GNA11: variants seen among roughly 807,000 people sequenced by gnomAD.
The protein encoded by GNA11 is G protein subunit alpha 11.
A neutral mutation model predicts 38.2 loss-of-function variants in GNA11; 8 were observed. The ratio of observed to expected loss-of-function variants is 0.21; its 90% CI spans 0.12 to 0.38. The LOEUF is 0.38. Ranked by LOEUF, GNA11 falls within the 10% of genes least tolerant of loss-of-function variation. The pLI is 1.00. For missense variants in GNA11, 268 were observed against 516.3 expected (o/e 0.52, Z 4.66); for synonymous variants, 211 against 221.4 (o/e 0.95, Z 0.42).
chr19:3,096,409 A>T (rs960594141), intron 1 of GNA11, among the ~76,000 whole-genome samples: 1 of 151,882 alleles, frequency 6.6e-6, no homozygotes, highest in Non-Finnish European at 1.5e-5. Flanking sequence ...CTTTGTTTGG[A>T]TGGAGGGGAG....
chr19:3,115,699 A>G (rs1913894681), intron 4 of GNA11, among the ~76,000 whole-genome samples: 1 of 124,222 alleles, frequency 8.1e-6, no homozygotes. Context: ...GAGGGGTCAT[A>G]GGGACTGAGG....
At position 3,119,050 on chromosome 19, in the gene GNA11, C is replaced by A; in HGVS notation, c.732C>A (p.Asn244Lys). The change falls in exon 5 of 7, where the codon AAC becomes AAA. Residue 244 changes from asparagine (N) to lysine (K), a missense_variant. Physicochemically the swap from Asn to Lys is moderately conservative, Grantham distance 94 (BLOSUM62 0). This residue lies in a region of GNA11 where 92 missense variants were observed against 166.7 expected (regional missense o/e 0.55). Coordinates refer to ENST00000078429, the MANE Select transcript of GNA11 (RefSeq NM_002067.5). This position sits in a 1 kb window ranked among gnomAD's most constrained non-coding sequence, Gnocchi z 4.6. ...ACCAAGTCCTGGTGGAGTCGGACAA[C>A]GAGGTGGGCCCTGCCCTGAGCAGGG... ...EYDQVLVESD[N>K]ENRMEESKAL... 1 of 1,613,744 alleles carries A rather than the reference C, an allele frequency of 6.2e-7. No homozygotes were observed. Among genetic ancestry groups the A allele is most frequent in the Non-Finnish European group, 8.5e-7 (1 of 1,179,908 alleles).
chr19:3,122,100 G>A lies in GNA11; in HGVS notation c.*921G>A, dbSNP rs537751914. 19 of 233,368 alleles carry A rather than the reference G, an allele frequency of 8.1e-5. No homozygotes were observed. The highest frequency in any genetic ancestry group is 3.7e-4 in the African/African-American group (17 of 45,444). 14.5% of individuals were successfully genotyped at this position (233,368 alleles called of 1,614,324 possible). On this transcript the variant is annotated 3_prime_UTR_variant, in exon 7 of 7. Transcript: ENST00000078429. The surrounding 1 kb of genome is among the most constrained non-coding windows in gnomAD (Gnocchi z 7.7). ...CCACCGGAGCCCACGTGGGCTGGGC[G>A]GCTGGAGGGATGGTCCCCCGGTGAC...
chr19:3,106,536 T>C (rs1913643660), intron 1 of GNA11, among the ~76,000 whole-genome samples: 1 of 152,162 alleles, frequency 6.6e-6, no homozygotes, highest in Non-Finnish European at 1.5e-5. Context: ...TGGCTTCCGG[T>C]GGCCCAGAAC....
chr19:3,104,219 C>T (rs930951458), intron 1 of GNA11, among the ~76,000 whole-genome samples: 9 of 152,232 alleles, frequency 5.9e-5, no homozygotes, highest in South Asian at 4.1e-4. Flanking sequence ...CCTTTCCCAC[C>T]GGGGAAAAGG....
chr19:3,101,315 A>G (rs1218193989), intron 1 of GNA11, among the ~76,000 whole-genome samples: 1 of 151,958 alleles, frequency 6.6e-6, no homozygotes, highest in Non-Finnish European at 1.5e-5. Flanking sequence ...CTTAATCCCC[A>G]GGGACTGTGG....
At chr19:3,103,690 TAATTTTTTTTTTTGTA>T (rs1029336637) in intron 1 of GNA11, among the ~76,000 whole-genome samples, 3 of 151,530 alleles carry the variant, frequency 2.0e-5, no homozygotes, top group Non-Finnish European at 4.4e-5. Context: ...CACACCCAGC[TAATTTTTTTTTTTGTA>T]AATTTTTTTT....
At chr19:3,116,659 C>T (rs948728610) in intron 4 of GNA11, among the ~76,000 whole-genome samples, 1 of 152,212 alleles carries the variant, frequency 6.6e-6, no homozygotes, top group African/African-American at 2.4e-5. Context: ...CAGAGCCGTC[C>T]CCGGGTTCTG....
chr19:3,095,167 T>A, intron 1 of GNA11, among the ~76,000 whole-genome samples: 1 of 151,958 alleles, frequency 6.6e-6, no homozygotes, highest in Non-Finnish European at 1.5e-5. Context: ...CCTTAACTGT[T>A]CATGTTGGCA....
In GNA11 at chr19:3,115,050, G is replaced by C. The variant is rs769982397; in HGVS notation, c.583G>C (p.Asp195His). Reference sequence around the variant, plus strand: ...CACCGGCATCATCGAGTACCCTTTCGACCTGGAGAACATCATCTTCCGGTA... The same window carrying C: ...CACCGGCATCATCGAGTACCCTTTCCACCTGGAGAACATCATCTTCCGGTA... ...PTTGIIEYPF[D>H]LENIIFRMVD... Residue 195 changes from aspartate (D) to histidine (H), a missense_variant, in exon 4 of 7, where the codon GAC becomes CAC. Around this residue, in one of 3 missense-constraint regions of GNA11, gnomAD observed 25 missense variants for 95.6 expected, o/e 0.26. Transcript: ENST00000078429. 1 of 1,613,244 alleles carries C rather than the reference G, an allele frequency of 6.2e-7. No homozygotes were observed. The highest frequency in any genetic ancestry group is 8.5e-7 in the Non-Finnish European group (1 of 1,179,864).
At chr19:3,116,275 G>A (rs889275049) in intron 4 of GNA11, among the ~76,000 whole-genome samples, 5 of 152,138 alleles carry the variant, frequency 3.3e-5, no homozygotes, top group Non-Finnish European at 7.4e-5. Context: ...CTGAGGTCCC[G>A]GCTTTATGCG....
intron 2 of GNA11, 88 bp from the exon 3 acceptor site, chr19:3,113,242 C>G (rs1219257938): frequency 7.6e-7 from 1 of 1,311,462 alleles, no homozygotes; most frequent in African/African-American, 1.5e-5. Flanking sequence ...CCGGGCCAGC[C>G]GAGGCCTGGA....
intron 1 of GNA11, among the ~76,000 whole-genome samples, chr19:3,105,620 A>G (rs1293223309): frequency 2.0e-5 from 3 of 152,086 alleles, no homozygotes; most frequent in Non-Finnish European, 4.4e-5. Flanking sequence ...CCACTGTCTT[A>G]GGGGTGAGAA....
chr19:3,118,080 C>G (rs891378408), intron 4 of GNA11: 1 of 152,244 alleles, frequency 6.6e-6, no homozygotes, highest in African/African-American at 2.4e-5. Flanking sequence ...TGGACTCCCC[C>G]GCAGACCAGA....
chr19:3,107,838 C>T (rs1281329294), intron 1 of GNA11, among the ~76,000 whole-genome samples: 2 of 152,108 alleles, frequency 1.3e-5, no homozygotes, highest in Non-Finnish European at 2.9e-5. Context: ...AGATTGCATC[C>T]CCTCCATGCC....
At chr19:3,115,871 TGTGA>T (rs1174586910) in intron 4 of GNA11, among the ~76,000 whole-genome samples, 9 of 41,450 alleles carry the variant, frequency 2.2e-4, no homozygotes, top group South Asian at 8.3e-4. Flanking sequence ...GGACTGAGGC[TGTGA>T]GGGGAGGAGG....
intron 2 of GNA11, 108 bp from the exon 3 acceptor site, chr19:3,113,222 G>A (rs915209086): frequency 1.9e-5 from 20 of 1,054,818 alleles, no homozygotes; most frequent in Admixed American, 1.3e-4. Flanking sequence ...CACAGCCTGC[G>A]GAATGCCGCC....
chr19:3,119,399 G>A lies in GNA11; in HGVS notation c.889+40G>A. 1 of 1,594,356 alleles carries A rather than the reference G, an allele frequency of 6.3e-7. No homozygotes were observed. The highest frequency in any genetic ancestry group is 8.6e-7 in the Non-Finnish European group (1 of 1,167,398). On this transcript the variant is annotated intron_variant, in intron 6 of 6. Coordinates refer to ENST00000078429, the MANE Select transcript of GNA11 (RefSeq NM_002067.5). The surrounding 1 kb of genome is among the most constrained non-coding windows in gnomAD (Gnocchi z 4.6). ...GGCATGGGGAGGGGCTCGCGGGCAG[G>A]GCCTTACTGGGGGGAGGGGGCTGAT...
rs1913314821 is a variant in GNA11 at position 3,094,612 on chromosome 19, C to G, written c.-40C>G. ...CAGGGCCGGGCCGGGGGCCGGGGGG[C>G]GGCGGCGGGCAGGCGGCCGCGTCGG... On this transcript the variant is annotated 5_prime_UTR_variant, in exon 1 of 7. Coordinates refer to ENST00000078429, the MANE Select transcript of GNA11 (RefSeq NM_002067.5). This position sits in a 1 kb window ranked among gnomAD's most constrained non-coding sequence, Gnocchi z 6.0. 9.6e-7 allele frequency: 1 copy of G among 1,039,910 alleles called. No homozygotes were observed. The highest frequency in any genetic ancestry group is 1.7e-5 in the African/African-American group (1 of 57,868). 64.4% of individuals were successfully genotyped at this position (1,039,910 alleles called of 1,614,324 possible). A position where few individuals can be genotyped will look rare whatever the true frequency, so the allele number is the denominator to read the frequency against.
Sources: gnomAD v4.1 joint callset for allele counts (sites outside exome capture counted in the v4.1 genomes callset) on GRCh38, gnomAD v4.1.1 for gene constraint, gnomAD v4.1.1 regional missense constraint, Gnocchi (gnomAD v3.1) non-coding constraint, MANE v1.5 for transcripts, NCBI Gene and HGNC (gene_info 2026-07-23, HGNC 2026-07-21) for gene names.